Variants in TENM3 observed in about 807,000 individuals in gnomAD.
TENM3 encodes teneurin-3.
A neutral mutation model predicts 255.1 loss-of-function variants in TENM3; 63 were observed. The ratio of observed to expected loss-of-function variants is 0.25; its 90% CI spans 0.20 to 0.30. TENM3 has a LOEUF of 0.30. Ranked by LOEUF, TENM3 falls within the 10% of genes least tolerant of loss-of-function variation. The pLI is 1.00. For missense variants in TENM3, 2,929 were observed against 3,461.1 expected, an observed-to-expected ratio of 0.85 and a Z score of 3.86; for synonymous variants, 1,306 against 1,322.3, an observed-to-expected ratio of 0.99 and a Z score of 0.27.
the TENM3 span, among the ~76,000 whole-genome samples, chr4:181,810,781 G>C: frequency 6.6e-6 from 1 of 152,106 alleles, no homozygotes; most frequent in Admixed American, 6.5e-5. Flanking sequence ...TTTGCTTGAG[G>C]AAGTCTTGGA....
chr4:181,779,724 G>C, the TENM3 span, among the ~76,000 whole-genome samples: 24 of 152,048 alleles, frequency 1.6e-4, no homozygotes, highest in Middle Eastern at 3.4e-3. Context: ...TGCCATGTTG[G>C]TGTGCTGCAC....
chr4:182,716,321 G>A (rs1377712619), intron 13 of TENM3, among the ~76,000 whole-genome samples: 2 of 152,152 alleles, frequency 1.3e-5, no homozygotes, highest in African/African-American at 2.4e-5. Flanking sequence ...CTCTTTAGTG[G>A]TATTATCAGC....
At chr4:182,263,119 C>G (rs1422304745) in intron 1 of TENM3, among the ~76,000 whole-genome samples, 1 of 152,104 alleles carries the variant, frequency 6.6e-6, no homozygotes, top group Non-Finnish European at 1.5e-5. Flanking sequence ...AACATAATGT[C>G]TGGCGACCGC....
chr4:182,113,475 T>A, the TENM3 span, among the ~76,000 whole-genome samples: 1 of 152,172 alleles, frequency 6.6e-6, no homozygotes, highest in Non-Finnish European at 1.5e-5. Flanking sequence ...TCCTCTCTAT[T>A]ACCTGAGATA....
At chr4:181,488,965 C>T in the TENM3 span, among the ~76,000 whole-genome samples, 2 of 152,182 alleles carry the variant, frequency 1.3e-5, no homozygotes, top group Admixed American at 1.3e-4. Context: ...AATCTTCTTG[C>T]CATGGCTGCC....
At chr4:182,498,630 G>A (rs1176367579) in intron 3 of TENM3, among the ~76,000 whole-genome samples, 1 of 152,098 alleles carries the variant, frequency 6.6e-6, no homozygotes, top group Non-Finnish European at 1.5e-5. Context: ...GAGGCAGGCA[G>A]ATCACCTGAG....
the TENM3 span, among the ~76,000 whole-genome samples, chr4:182,089,986 C>G: frequency 6.6e-6 from 1 of 152,158 alleles, no homozygotes; most frequent in Non-Finnish European, 1.5e-5. Context: ...CTCAGTCCAT[C>G]TAATTCCTGG....
chr4:182,491,246 T>C (rs1735268368), intron 3 of TENM3, among the ~76,000 whole-genome samples: 1 of 152,202 alleles, frequency 6.6e-6, no homozygotes, highest in Non-Finnish European at 1.5e-5. Context: ...CCTTAGGAGA[T>C]GTTTATTAAT....
chr4:182,680,438 G>GC lies in TENM3; in HGVS notation c.1639+89_1639+90insC, dbSNP rs376211651. ...AAAAACTACCGAGACAGGAAAGAAAGGGGGGGGGAGACTGGCATATTGCTT... is the reference window on the plus strand; with the variant it reads ...AAAAACTACCGAGACAGGAAAGAAAGCGGGGGGGGAGACTGGCATATTGCTT... On this transcript the variant is annotated intron_variant, in intron 9 of 27. Transcript: ENST00000511685. 2,400 of 1,287,000 alleles carry GC rather than the reference G, an allele frequency of 1.9e-3. 29 individuals are homozygous for GC. The highest frequency in any genetic ancestry group is 0.015 in the South Asian group (1,274 of 82,974). The allele number at this position is 1,287,000 out of a possible 1,614,324, so 79.7% of individuals were successfully genotyped here. A position where few individuals can be genotyped will look rare whatever the true frequency, so the allele number is the denominator to read the frequency against.
At chr4:182,377,240 A>C (rs976414316) in intron 3 of TENM3, among the ~76,000 whole-genome samples, 1 of 152,190 alleles carries the variant, frequency 6.6e-6, no homozygotes, top group Non-Finnish European at 1.5e-5. Context: ...AAACTTTTCA[A>C]ACTCTCTTTG....
chr4:182,154,811 T>G (rs1437132621), intron 1 of TENM3, among the ~76,000 whole-genome samples: 1 of 152,212 alleles, frequency 6.6e-6, no homozygotes, highest in African/African-American at 2.4e-5. Context: ...TCTGAACGTG[T>G]ATGTAATACA....
At chr4:181,793,414 T>A in the TENM3 span, among the ~76,000 whole-genome samples, 6 of 152,148 alleles carry the variant, frequency 3.9e-5, no homozygotes, top group Admixed American at 3.3e-4. Flanking sequence ...TCAGCCTGAT[T>A]TTAGGGCCCA....
At chr4:182,323,059 C>A (rs536995523) in intron 1 of TENM3, among the ~76,000 whole-genome samples, 2 of 152,092 alleles carry the variant, frequency 1.3e-5, no homozygotes, top group East Asian at 3.9e-4. Flanking sequence ...ATTTGAAATG[C>A]GGATTCGCCC....
At chr4:182,101,372 G>T in the TENM3 span, among the ~76,000 whole-genome samples, 1 of 151,520 alleles carries the variant, frequency 6.6e-6, no homozygotes, top group Non-Finnish European at 1.5e-5. Context: ...GGGAGGGAAG[G>T]AAGGAAGGAA....
the TENM3 span, among the ~76,000 whole-genome samples, chr4:181,639,834 G>A: frequency 4.6e-5 from 7 of 152,190 alleles, no homozygotes; most frequent in Admixed American, 1.3e-4. Flanking sequence ...CCTACTTCTC[G>A]GCCAAGGAGA....
At chr4:181,542,616 G>A in the TENM3 span, among the ~76,000 whole-genome samples, 1 of 152,018 alleles carries the variant, frequency 6.6e-6, no homozygotes, top group Non-Finnish European at 1.5e-5. Flanking sequence ...ATTGGATGAG[G>A]TATGTTATAG....
chr4:181,503,058 A>G, the TENM3 span, among the ~76,000 whole-genome samples: 4 of 152,152 alleles, frequency 2.6e-5, no homozygotes, highest in South Asian at 6.2e-4. Flanking sequence ...ACTCTAACAT[A>G]AATGTAAAAT....
rs149950672 is a variant in TENM3, at chr4:182,307,013, G to A, written c.-75-16933G>A. 2.1e-4 allele frequency among the ~76,000 whole-genome samples: 32 copies of A among 152,202 alleles called. No individual in the cohort carries two copies. In the East Asian group the frequency reaches 3.3e-3, roughly 16 times the overall value. On this transcript the variant is annotated intron_variant, in intron 1 of 27. Transcript: ENST00000511685. ...AATTAAAATATATTCCACATTACACGTTTACTACCACATACTGTAGAAATA... is the reference window on the plus strand; with the variant it reads ...AATTAAAATATATTCCACATTACACATTTACTACCACATACTGTAGAAATA...
intron 3 of TENM3, among the ~76,000 whole-genome samples, chr4:182,457,556 A>ATTTT (rs1313518502): frequency 7.7e-5 from 3 of 38,990 alleles, no homozygotes; most frequent in Non-Finnish European, 1.2e-4. Flanking sequence ...AATCATGTAT[A>ATTTT]TCTTTTTTTT....
Sources: gnomAD v4.1 joint callset for allele counts (sites outside exome capture counted in the v4.1 genomes callset) on GRCh38, gnomAD v4.1.1 for gene constraint, MANE v1.5 for transcripts, NCBI Gene and HGNC (gene_info 2026-07-23, HGNC 2026-07-21) for gene names.